The following SCAMP2 variants were observed in gnomAD, a reference collection of about 807,000 sequenced individuals.
SCAMP2 encodes secretory carrier membrane protein 2.
A neutral mutation model predicts 44.1 loss-of-function variants in SCAMP2; 25 were observed. That is an observed-to-expected ratio of 0.57 (90% CI 0.41 to 0.79). The LOEUF is 0.79. Among genes scored for constraint, SCAMP2 ranks in the 30% least tolerant of loss-of-function variants. The pLI, the probability that SCAMP2 is intolerant of heterozygous loss-of-function variation, is 0.00. For synonymous variants in SCAMP2, 156 were observed against 166.0 expected (o/e 0.94, Z 0.46); for missense variants, 355 against 411.0 (o/e 0.86, Z 1.18).
intron 1 of SCAMP2, among the ~76,000 whole-genome samples, chr15:74,866,270 T>C (rs2064543625): frequency 6.6e-6 from 1 of 151,476 alleles, no homozygotes; most frequent in South Asian, 2.1e-4. Context: ...AGCAGACGCA[T>C]CCCAGGCTCA....
chr15:74,861,495 CG>C (rs1438757499), intron 1 of SCAMP2, among the ~76,000 whole-genome samples: 1 of 152,156 alleles, frequency 6.6e-6, no homozygotes. Context: ...GAAAAAAGCA[CG>C]AAACAAACAT....
intron 1 of SCAMP2, among the ~76,000 whole-genome samples, chr15:74,862,263 C>CAAATAA (rs2064510857): frequency 6.5e-5 from 1 of 15,448 alleles, no homozygotes; most frequent in Non-Finnish European, 1.0e-4. Context: ...ACTCTGTCTC[C>CAAATAA]AAAAAAAAAA....
At chr15:74,854,409 G>A (rs902526430) in intron 2 of SCAMP2, among the ~76,000 whole-genome samples, 172 bp downstream of exon 2, 9 of 152,336 alleles carry the variant, frequency 5.9e-5, no homozygotes, top group Admixed American at 2.0e-4. Flanking sequence ...TTTACAGAGC[G>A]TTTGGTGGCT....
rs114577668 is a variant in SCAMP2, at chr15:74,853,297, G to A, written c.225+724C>T. 2.8e-3 allele frequency: 1,189 copies of A among 421,534 alleles called. 14 individuals are homozygous for A. The highest frequency in any genetic ancestry group is 0.016 in the South Asian group (940 of 60,022). The allele number at this position is 421,534 out of a possible 1,614,324, so 26.1% of individuals were successfully genotyped here. A position where few individuals can be genotyped will look rare whatever the true frequency, so the allele number is the denominator to read the frequency against. On this transcript the variant is annotated intron_variant, in intron 3 of 8. Coordinates refer to ENST00000268099, the MANE Select transcript of SCAMP2 (RefSeq NM_005697.5). ...CCTGCCTCACCTCCACAGGGCTCTG[G>A]GGCCTGGGAGGGGTGTGGGGCAGGC... is the stretch of plus-strand genomic sequence containing the variant.
rs147081201 is a variant in SCAMP2, at chr15:74,846,546, G to A, written c.735-953C>T. ...TGGGAGGCCAAGATGGGCGGATCAC[G>A]AGGTCAGCAGATCGAGACCATCCTG... On this transcript the variant is annotated intron_variant, in intron 7 of 8. Coordinates refer to ENST00000268099, the MANE Select transcript of SCAMP2 (RefSeq NM_005697.5). Among the ~76,000 whole-genome samples the A allele has an allele frequency of 7.7e-3, 1,177 of 152,204 alleles. 15 individuals carry two copies. The highest frequency in any genetic ancestry group is 0.027 in the African/African-American group (1,101 of 41,506).
intron 1 of SCAMP2, among the ~76,000 whole-genome samples, chr15:74,866,003 GA>G (rs2064540733): frequency 2.4e-5 from 2 of 82,778 alleles, no homozygotes; most frequent in Admixed American, 3.5e-4. Context: ...AGGAAGGAAG[GA>G]AGGAAGGAAG....
At chr15:74,845,905 C>T (rs1256167175) in intron 7 of SCAMP2, among the ~76,000 whole-genome samples, 1 of 152,240 alleles carries the variant, frequency 6.6e-6, no homozygotes, top group African/African-American at 2.4e-5. Flanking sequence ...CACCTGTAAT[C>T]CCAGCACTTT....
At position 74,844,289 on chromosome 15, in the gene SCAMP2, A is replaced by G. The variant is rs2064370341; in HGVS notation, c.*794T>C. 1 of 152,198 alleles carries G rather than the reference A, an allele frequency of 6.6e-6. No homozygotes were observed. Among genetic ancestry groups the G allele is most frequent in the Non-Finnish European group, 1.5e-5 (1 of 68,114 alleles). The allele number at this position is 152,198 out of a possible 1,614,324, so 9.4% of individuals were successfully genotyped here. ...ACCCTCCTAGAAGACGCTGGACGCT[A>G]GGCAGGACAGCTTGGGGTCAGTGTC... On this transcript the variant is annotated 3_prime_UTR_variant, in exon 9 of 9. Coordinates refer to ENST00000268099, the MANE Select transcript of SCAMP2 (RefSeq NM_005697.5).
At chr15:74,849,464 C>T (rs1183349955) in intron 6 of SCAMP2, among the ~76,000 whole-genome samples, 2 of 150,808 alleles carry the variant, frequency 1.3e-5, no homozygotes, top group African/African-American at 4.9e-5. Flanking sequence ...ACAAAACAGG[C>T]TGGGCACGGT....
At chr15:74,871,036 C>T (rs1204940956) in intron 1 of SCAMP2, among the ~76,000 whole-genome samples, 2 of 152,162 alleles carry the variant, frequency 1.3e-5, no homozygotes, top group Non-Finnish European at 2.9e-5. Context: ...AAACAAGCTT[C>T]CCTAGAACGG....
intron 7 of SCAMP2, among the ~76,000 whole-genome samples, chr15:74,847,273 A>G (rs948672171): frequency 6.6e-6 from 1 of 151,964 alleles, no homozygotes; most frequent in Admixed American, 6.6e-5. Flanking sequence ...TGTACTCTCT[A>G]GAAACAAGGT....
intron 7 of SCAMP2, 59 bp from the exon 8 acceptor site, chr15:74,845,652 A>G: frequency 1.9e-6 from 3 of 1,601,872 alleles, no homozygotes; most frequent in East Asian, 4.5e-5. Context: ...AAAAGTCAGC[A>G]TAAGGGGCTC....
At chr15:74,847,792 C>G (rs1254098176) in intron 7 of SCAMP2, among the ~76,000 whole-genome samples, 2 of 152,178 alleles carry the variant, frequency 1.3e-5, no homozygotes, top group Non-Finnish European at 2.9e-5. Flanking sequence ...ACTGAGGTAC[C>G]CTGGAAACTC....
At chr15:74,867,087 G>GT (rs1030247326) in intron 1 of SCAMP2, among the ~76,000 whole-genome samples, 2 of 152,268 alleles carry the variant, frequency 1.3e-5, no homozygotes, top group African/African-American at 4.8e-5. Flanking sequence ...GAGCCACTGC[G>GT]CCCCAGCCTC....
chr15:74,846,908 A>G (rs918347193), intron 7 of SCAMP2, among the ~76,000 whole-genome samples: 2 of 152,094 alleles, frequency 1.3e-5, no homozygotes, highest in African/African-American at 4.8e-5. Context: ...CACCTGTCTG[A>G]GCCCCATGTC....
chr15:74,850,501 C>T lies in SCAMP2; in HGVS notation c.632+13G>A, dbSNP rs776866139. On this transcript the variant is annotated intron_variant, in intron 6 of 8. Coordinates refer to ENST00000268099, the MANE Select transcript of SCAMP2 (RefSeq NM_005697.5). ...AGCCATAAAGTCTCACCCCTTGCCC[C>T]GGCCTCACTCACCTAAAGGCCTTAT... 50 of 1,612,592 alleles carry T rather than the reference C, an allele frequency of 3.1e-5. No homozygotes were observed. The highest frequency in any genetic ancestry group is 7.7e-5 in the South Asian group (7 of 90,882).
chr15:74,862,136 G>A (rs149277884), intron 1 of SCAMP2, among the ~76,000 whole-genome samples: 1,922 of 149,624 alleles, frequency 0.013, 37 homozygotes, highest in African/African-American at 0.043. Context: ...GGTGGCATGC[G>A]CCTGTATTCC....
chr15:74,852,518 C>T (rs971442913), intron 3 of SCAMP2: 2 of 229,084 alleles, frequency 8.7e-6, no homozygotes, highest in African/African-American at 2.2e-5. Flanking sequence ...TGATTGTGAC[C>T]TTTGGGAAAA....
intron 7 of SCAMP2, chr15:74,848,397 A>T (rs1472191066): frequency 2.0e-6 from 1 of 493,356 alleles, no homozygotes; most frequent in Non-Finnish European, 3.6e-6. Context: ...TGCCTTTAGT[A>T]TCAAGGAGAA....
Sources: gnomAD v4.1 joint callset for allele counts (sites outside exome capture counted in the v4.1 genomes callset) on GRCh38, gnomAD v4.1.1 for gene constraint, MANE v1.5 for transcripts, NCBI Gene and HGNC (gene_info 2026-07-23, HGNC 2026-07-21) for gene names.